LRRC36: variants seen among roughly 807,000 people sequenced by gnomAD.
LRRC36 encodes the protein leucine rich repeat containing 36, also known as leucine-rich repeat-containing protein 36.
A neutral mutation model predicts 81.1 loss-of-function variants in LRRC36; 62 were observed. The ratio of observed to expected loss-of-function variants is 0.76; its 90% CI spans 0.62 to 0.94. The LOEUF is 0.94. Among genes scored for constraint, LRRC36 ranks in the 40% least tolerant of loss-of-function variants. The pLI is 0.00. For missense variants in LRRC36, 761 were observed against 881.7 expected, an observed-to-expected ratio of 0.86 and a Z score of 1.73; for synonymous variants, 334 against 348.6, an observed-to-expected ratio of 0.96 and a Z score of 0.47.
At chr16:67,356,778 CT>C in intron 5 of LRRC36, among the ~76,000 whole-genome samples, 1 of 152,046 alleles carries the variant, frequency 6.6e-6, no homozygotes, top group Non-Finnish European at 1.5e-5. Flanking sequence ...CAAAACAACA[CT>C]TTAGTTGGGC....
At chr16:67,339,391 A>C (rs1367428641) in intron 1 of LRRC36, among the ~76,000 whole-genome samples, 1 of 152,080 alleles carries the variant, frequency 6.6e-6, no homozygotes, top group Non-Finnish European at 1.5e-5. Flanking sequence ...ATACTTTGAG[A>C]GCTGCTACAT....
chr16:67,327,653 T>C (rs1267964216), intron 1 of LRRC36, among the ~76,000 whole-genome samples: 2 of 152,154 alleles, frequency 1.3e-5, no homozygotes, highest in African/African-American at 4.8e-5. Context: ...AGGTGGTATT[T>C]AAAGCTACGG....
chr16:67,343,191 T>C (rs1405792412), intron 2 of LRRC36, among the ~76,000 whole-genome samples: 2 of 152,212 alleles, frequency 1.3e-5, no homozygotes, highest in East Asian at 1.9e-4. Flanking sequence ...GCTAAAAAAT[T>C]AAGTGAACAT....
At chr16:67,382,545 A>G (rs1021043802) in intron 13 of LRRC36, among the ~76,000 whole-genome samples, 1 of 152,188 alleles carries the variant, frequency 6.6e-6, no homozygotes, top group Non-Finnish European at 1.5e-5. Context: ...AGGTCAGTAC[A>G]TACCCCTAAA....
At chr16:67,357,863 T>C (rs994366917) in intron 5 of LRRC36, among the ~76,000 whole-genome samples, 2 of 152,234 alleles carry the variant, frequency 1.3e-5, no homozygotes, top group African/African-American at 4.8e-5. Context: ...TAGAAGTAGC[T>C]ATTAGTTACT....
At chr16:67,334,716 G>A (rs1415583951) in intron 1 of LRRC36, among the ~76,000 whole-genome samples, 1 of 151,962 alleles carries the variant, frequency 6.6e-6, no homozygotes, top group African/African-American at 2.4e-5. Context: ...CCAAACCCCT[G>A]ACAACTATCA....
intron 8 of LRRC36, among the ~76,000 whole-genome samples, chr16:67,370,715 A>G (rs1220233820): frequency 6.6e-6 from 1 of 151,970 alleles, no homozygotes; most frequent in Non-Finnish European, 1.5e-5. Flanking sequence ...TAAAGTGAGA[A>G]AGGTCAGAAC....
intron 4 of LRRC36, among the ~76,000 whole-genome samples, chr16:67,349,783 CAG>C (rs1325961079): frequency 6.6e-6 from 1 of 150,732 alleles, no homozygotes; most frequent in Non-Finnish European, 1.5e-5. Flanking sequence ...TTTTTGGAGA[CAG>C]AGTCTTGCTC....
chr16:67,383,706 T>C (rs898898700), intron 13 of LRRC36, among the ~76,000 whole-genome samples: 2 of 152,260 alleles, frequency 1.3e-5, no homozygotes, highest in Non-Finnish European at 2.9e-5. Context: ...ATTTTAAAAA[T>C]AATTTTGATT....
chr16:67,343,661 C>T (rs568805229), intron 2 of LRRC36, among the ~76,000 whole-genome samples: 1 of 150,124 alleles, frequency 6.7e-6, no homozygotes, highest in African/African-American at 2.5e-5. Context: ...CACCACTACA[C>T]TCCAGCCTGG....
intron 1 of LRRC36, among the ~76,000 whole-genome samples, chr16:67,339,523 C>A (rs117992988): frequency 3.7e-4 from 57 of 152,140 alleles, no homozygotes; most frequent in Non-Finnish European, 7.5e-4. Context: ...AAAATAATAA[C>A]CTCATATAAG....
At chr16:67,377,528 C>T (rs893311943) in intron 11 of LRRC36, among the ~76,000 whole-genome samples, 9 of 151,702 alleles carry the variant, frequency 5.9e-5, no homozygotes, top group African/African-American at 9.7e-5. Context: ...GACAGGGTTT[C>T]GCCATGTTGG....
rs1396165260 is a variant in LRRC36, at chr16:67,376,744, CT to C, written c.1680del (p.Leu561CysfsTer4). 5 of 1,612,108 alleles carry C rather than the reference CT, an allele frequency of 3.1e-6. No homozygotes were observed. Among genetic ancestry groups the C allele is most frequent in the Non-Finnish European group, 4.2e-6 (5 of 1,178,482 alleles). The part of the protein sequence containing the change: ...KKFLGPARDL[L>X]LSLVVPAPSQ... The stretch of plus-strand genomic sequence containing the variant: ...TTTGGCAGGTCCTGCCCGAGATTTG[CT>C]TCTGTCTTTGGTAGTCCCGGCTCCT... On this transcript the variant is annotated frameshift_variant, in exon 11 of 14. Coordinates refer to ENST00000329956, the MANE Select transcript of LRRC36 (RefSeq NM_018296.6). LOFTEE classifies it high-confidence loss of function.
intron 1 of LRRC36, among the ~76,000 whole-genome samples, chr16:67,332,915 A>G (rs909048196): frequency 6.6e-6 from 1 of 151,682 alleles, no homozygotes; most frequent in African/African-American, 2.4e-5. Context: ...TAAAAAAAAC[A>G]TGGTCTTATT....
chr16:67,371,765 ACTCG>A, intron 9 of LRRC36: 1 of 172,274 alleles, frequency 5.8e-6, no homozygotes, highest in Non-Finnish European at 1.3e-5. Context: ...CAGCTACTCT[ACTCG>A]GGAGGCTGAG....
chr16:67,371,339 G>A, intron 9 of LRRC36, 97 bp downstream of exon 9: 1 of 1,407,870 alleles, frequency 7.1e-7, no homozygotes. Flanking sequence ...TGACCAACAG[G>A]GCTAGAAATT....
intron 13 of LRRC36, 110 bp from the exon 14 acceptor site, chr16:67,384,760 T>G (rs2040233067): frequency 6.9e-6 from 5 of 728,770 alleles, no homozygotes; most frequent in Non-Finnish European, 9.5e-6. Flanking sequence ...GTTCCTTCTA[T>G]TTAAAGATGT....
chr16:67,371,091 G>C lies in LRRC36; in HGVS notation c.1343G>C (p.Arg448Pro), dbSNP rs138358333. Reference sequence around the variant, plus strand: ...CTGGGAAACAGGACAACTCCTCTGCGGACACTGCTGTTGTCTCCTGGGACT... The same window carrying C: ...CTGGGAAACAGGACAACTCCTCTGCCGACACTGCTGTTGTCTCCTGGGACT... ...AVLGNRTTPL[R>P]TLLLSPGTSE... The change falls in exon 9 of 14, where the codon CGG (arginine) becomes CCG (proline). Residue 448 changes from arginine (R) to proline (P), a missense_variant. Transcript: ENST00000329956. 4.5e-5 allele frequency: 72 copies of C among 1,614,044 alleles called. No homozygotes were observed. The highest frequency in any genetic ancestry group is 5.6e-5 in the Non-Finnish European group (66 of 1,180,044).
chr16:67,374,305 A>T (rs1050629877), intron 9 of LRRC36, among the ~76,000 whole-genome samples: 2 of 152,022 alleles, frequency 1.3e-5, no homozygotes, highest in Non-Finnish European at 2.9e-5. Context: ...TACTATTTTT[A>T]AAATGTTCTG....
Sources: allele counts gnomAD v4.1 joint callset (sites outside exome capture counted in the v4.1 genomes callset), GRCh38; gene constraint gnomAD v4.1.1; transcripts MANE v1.5; gene names NCBI Gene and HGNC (gene_info 2026-07-23, HGNC 2026-07-21).